EPHA5: variants seen among roughly 807,000 people sequenced by gnomAD.
The protein encoded by EPHA5 is ephrin type-A receptor 5.
Under a neutral mutation model 105.0 loss-of-function variants are expected in EPHA5, and 60 were observed. That is an observed-to-expected ratio of 0.57 (90% CI 0.46 to 0.71). The LOEUF (loss-of-function observed/expected upper bound fraction) is 0.71. Among genes scored for constraint, EPHA5 ranks in the 30% least tolerant of loss-of-function variants. The pLI is 0.00. For synonymous variants in EPHA5, 513 were observed against 449.1 expected (o/e 1.14, Z -1.80); for missense variants, 1,218 against 1,274.7 (o/e 0.96, Z 0.68).
intron 11 of EPHA5, among the ~76,000 whole-genome samples, chr4:65,364,330 G>A (rs1365244521): frequency 6.6e-6 from 1 of 151,398 alleles, no homozygotes; most frequent in Non-Finnish European, 1.5e-5. Context: ...GAAAATGAAG[G>A]CCTCAGCTAT....
At chr4:65,446,193 T>C (rs539219015) in intron 5 of EPHA5, among the ~76,000 whole-genome samples, 10 of 152,192 alleles carry the variant, frequency 6.6e-5, no homozygotes, top group Non-Finnish European at 1.3e-4. Flanking sequence ...CTTAATGCAA[T>C]TGTACCAATT....
chr4:65,389,600 T>C (rs1720499819), intron 8 of EPHA5, among the ~76,000 whole-genome samples: 1 of 152,102 alleles, frequency 6.6e-6, no homozygotes, highest in South Asian at 2.1e-4. Context: ...TGGTCTTTAA[T>C]GTTGGCAGGA....
At chr4:65,556,316 G>A (rs4130645) in intron 3 of EPHA5, among the ~76,000 whole-genome samples, 2,216 of 152,190 alleles carry the variant, frequency 0.015, 42 homozygotes, top group African/African-American at 0.05. Flanking sequence ...CTTAGCCAGG[G>A]GCAATTCACC....
chr4:65,663,796 T>A (rs1013974420), intron 1 of EPHA5, among the ~76,000 whole-genome samples: 6 of 151,986 alleles, frequency 3.9e-5, no homozygotes, highest in Non-Finnish European at 7.4e-5. Flanking sequence ...TGTATGGGAA[T>A]TCTATAGGGT....
At chr4:65,359,706 A>G (rs188828322) in intron 11 of EPHA5, among the ~76,000 whole-genome samples, 289 of 151,702 alleles carry the variant, frequency 1.9e-3, no homozygotes, top group Middle Eastern at 0.014. Context: ...ATGCTAGGTC[A>G]TTATACTGAC....
intron 3 of EPHA5, among the ~76,000 whole-genome samples, chr4:65,576,038 G>A (rs1306426928): frequency 2.7e-5 from 2 of 74,410 alleles, no homozygotes; most frequent in African/African-American, 5.2e-5. Flanking sequence ...AAGAAAGAAA[G>A]AAAGAAAGAA....
Position 65,414,320 on chromosome 4 carries a change from A to G in EPHA5, c.1651T>C (p.Phe551Leu), listed in dbSNP as rs1326028027. The G allele has an allele frequency of 1.9e-6, 3 of 1,613,840 alleles. No homozygotes were observed. Among genetic ancestry groups the G allele is most frequent in the Non-Finnish European group, 2.5e-6 (3 of 1,179,900 alleles). ...GTTTCAAACTCAAATCTTCGACTGA[A>G]GACACCATAGCCTGCTGCTGTACGT... is the stretch of plus-strand genomic sequence containing the variant. ...RARTAAGYGV[F>L]SRRFEFETTP... Residue 551 changes from phenylalanine (F) to leucine (L), a missense_variant, in exon 7 of 17, where the codon TTC (phenylalanine) becomes CTC (leucine). Transcript: ENST00000613740.
chr4:65,483,531 T>C (rs991475245), intron 5 of EPHA5, among the ~76,000 whole-genome samples: 1 of 152,132 alleles, frequency 6.6e-6, no homozygotes. Context: ...TGTTGTTAAA[T>C]ACGTTAGGGA....
intron 3 of EPHA5, among the ~76,000 whole-genome samples, chr4:65,527,117 G>A (rs1448611878): frequency 2.0e-5 from 3 of 152,030 alleles, no homozygotes; most frequent in African/African-American, 7.2e-5. Context: ...ACTTTGGGAA[G>A]ACATTTGGCA....
intron 7 of EPHA5, among the ~76,000 whole-genome samples, chr4:65,407,930 A>T (rs1243588908): frequency 2.7e-5 from 4 of 149,744 alleles, no homozygotes; most frequent in African/African-American, 9.8e-5. Context: ...TAATTTTTGC[A>T]TTTTTTTTTG....
At chr4:65,444,838 CT>C (rs1726362893) in intron 5 of EPHA5, among the ~76,000 whole-genome samples, 1 of 151,922 alleles carries the variant, frequency 6.6e-6, no homozygotes, top group African/African-American at 2.4e-5. Flanking sequence ...TATTTTTCCC[CT>C]CAAAAACTTA....
At chr4:65,605,582 C>G (rs1744148556) in intron 2 of EPHA5, among the ~76,000 whole-genome samples, 1 of 152,082 alleles carries the variant, frequency 6.6e-6, no homozygotes. Context: ...ACAATTTTAA[C>G]CTTTCAAGTT....
intron 3 of EPHA5, among the ~76,000 whole-genome samples, chr4:65,538,705 A>G (rs1460689692): frequency 6.6e-6 from 1 of 151,700 alleles, no homozygotes; most frequent in Non-Finnish European, 1.5e-5. Context: ...TAGCGATCCA[A>G]GCAGAGACAT....
chr4:65,564,727 A>G (rs1323780506), intron 3 of EPHA5, among the ~76,000 whole-genome samples: 4 of 151,754 alleles, frequency 2.6e-5, no homozygotes, highest in Admixed American at 6.6e-5. Flanking sequence ...ATCTGTTGTA[A>G]TGGAAAAAAA....
At chr4:65,437,886 T>G (rs986221237) in intron 5 of EPHA5, among the ~76,000 whole-genome samples, 4 of 152,004 alleles carry the variant, frequency 2.6e-5, no homozygotes, top group Non-Finnish European at 4.4e-5. Flanking sequence ...TAAAAAATCA[T>G]GAATTTACAT....
At chr4:65,656,964 T>TC (rs895619128) in intron 1 of EPHA5, among the ~76,000 whole-genome samples, 14 of 151,654 alleles carry the variant, frequency 9.2e-5, no homozygotes, top group African/African-American at 3.4e-4. Flanking sequence ...TTTTTTTTTT[T>TC]TCTGGAGAAA....
chr4:65,617,571 C>T (rs899963349), intron 2 of EPHA5, among the ~76,000 whole-genome samples: 4 of 152,106 alleles, frequency 2.6e-5, no homozygotes, highest in African/African-American at 9.7e-5. Context: ...CCCTCCTTTT[C>T]CTAGAAGTAA....
intron 3 of EPHA5, among the ~76,000 whole-genome samples, chr4:65,524,877 C>T (rs1225028788): frequency 6.6e-6 from 1 of 151,616 alleles, no homozygotes; most frequent in East Asian, 1.9e-4. Context: ...TTTCTACAAA[C>T]CAAAGGATGG....
At chr4:65,628,709 A>G (rs1165386346) in intron 2 of EPHA5, among the ~76,000 whole-genome samples, 1 of 152,184 alleles carries the variant, frequency 6.6e-6, no homozygotes, top group Non-Finnish European at 1.5e-5. Context: ...TTTCAGGATT[A>G]TACTCATGGT....
Sources: allele counts gnomAD v4.1 joint callset (sites outside exome capture counted in the v4.1 genomes callset), GRCh38; gene constraint gnomAD v4.1.1; transcripts MANE v1.5; gene names NCBI Gene and HGNC (gene_info 2026-07-23, HGNC 2026-07-21).